Variants in PACS2 observed in about 807,000 individuals in gnomAD.
PACS2 encodes phosphofurin acidic cluster sorting protein 2.
A neutral mutation model predicts 113.0 loss-of-function variants in PACS2; 36 were observed. The observed-to-expected ratio is 0.32, with a 90% CI of 0.24 to 0.42. The LOEUF (loss-of-function observed/expected upper bound fraction) is 0.42. Ranked by LOEUF, PACS2 falls within the 10% of genes least tolerant of loss-of-function variation. The pLI is 1.00. For synonymous variants in PACS2, 589 were observed against 536.1 expected (o/e 1.10, Z -1.36); for missense variants, 1,015 against 1,239.5 (o/e 0.82, Z 2.72).
Position 105,395,803 on chromosome 14 carries a change from G to C in PACS2, c.*1131G>C, listed in dbSNP as rs997795499. The C allele has an allele frequency of 6.6e-6, 1 of 152,340 alleles. No homozygotes were observed. The highest frequency in any genetic ancestry group is 1.5e-5 in the Non-Finnish European group (1 of 68,178). 9.4% of individuals were successfully genotyped at this position (152,340 alleles called of 1,614,324 possible). ...GTGTGGGTTCCATGCCCTCCACACA[G>C]CAGGAGAGGGCTTCCCTGACCACAC... is the stretch of plus-strand genomic sequence containing the variant. On this transcript the variant is annotated 3_prime_UTR_variant, in exon 25 of 25. Transcript: ENST00000447393.
chr14:105,386,773 T>C (rs2141273108), intron 19 of PACS2, among the ~76,000 whole-genome samples: 1 of 152,238 alleles, frequency 6.6e-6, no homozygotes, highest in South Asian at 2.1e-4. Context: ...GGCTGGGCGC[T>C]GGGAAGACAC....
intron 6 of PACS2, 51 bp downstream of exon 6, chr14:105,368,198 C>T: frequency 3.0e-6 from 4 of 1,340,932 alleles, no homozygotes; most frequent in African/African-American, 1.4e-5. Flanking sequence ...ACCGGGTGTC[C>T]TGGGGTCTGT....
chr14:105,363,233 C>T (rs1555407064), intron 4 of PACS2, among the ~76,000 whole-genome samples: 1 of 152,200 alleles, frequency 6.6e-6, no homozygotes, highest in Non-Finnish European at 1.5e-5. Flanking sequence ...ACAAGAGAGG[C>T]AGCCTGTCCT....
rs587712144 is a variant in PACS2, at chr14:105,316,498, C to T, written c.119+1461C>T. On this transcript the variant is annotated intron_variant, in intron 1 of 24. Coordinates refer to ENST00000447393, the MANE Select transcript of PACS2 (RefSeq NM_001100913.3). ...CTTCATGCGGGCTGTTGGCGCTCCC[C>T]TGCTCCAGCACTGCAGCACATAGCC... is the stretch of plus-strand genomic sequence containing the variant. Among the ~76,000 whole-genome samples, 45 of 152,374 alleles carry T rather than the reference C, an allele frequency of 3.0e-4. 1 individual carries two copies. The South Asian group carries it at 8.9e-3, about 30-fold the overall frequency.
intron 1 of PACS2, among the ~76,000 whole-genome samples, chr14:105,316,564 C>T (rs2058645016): frequency 6.6e-6 from 1 of 152,208 alleles, no homozygotes; most frequent in African/African-American, 2.4e-5. Flanking sequence ...TGGGGCCCTC[C>T]GAATGAGCAG....
Position 105,368,387 on chromosome 14 carries a change from G to A in PACS2, c.661-72G>A, listed in dbSNP as rs911307386. The A allele has an allele frequency of 2.7e-5, 33 of 1,221,880 alleles. No homozygotes were observed. The African/African-American group carries it at 3.6e-4, about 13-fold the overall frequency. 75.7% of individuals were successfully genotyped at this position (1,221,880 alleles called of 1,614,324 possible). On this transcript the variant is annotated intron_variant, in intron 6 of 24. Coordinates refer to ENST00000447393, the MANE Select transcript of PACS2 (RefSeq NM_001100913.3). ...GTGCCGGGCCTCTCCCATCGCCCAC[G>A]CTGAGGCTGGCAGGGTCCTGCCAGC... is the stretch of plus-strand genomic sequence containing the variant.
intron 19 of PACS2, among the ~76,000 whole-genome samples, chr14:105,387,749 G>A (rs1555413937): frequency 6.6e-6 from 1 of 152,240 alleles, no homozygotes; most frequent in African/African-American, 2.4e-5. Context: ...TCGGAGCAGA[G>A]CATGGATGGG....
chr14:105,310,112 G>A (rs587767748), upstream of PACS2, among the ~76,000 whole-genome samples: 4 of 151,978 alleles, frequency 2.6e-5, no homozygotes, highest in South Asian at 2.1e-4. Flanking sequence ...TTTACAATTC[G>A]TGATAGTAGT....
In PACS2 at chr14:105,355,375, C is replaced by T. The variant is rs1000503163; in HGVS notation, c.423+198C>T. 6.6e-6 allele frequency among the ~76,000 whole-genome samples: 1 copy of T among 152,268 alleles called. No individual in the cohort carries two copies. The highest frequency in any genetic ancestry group is 2.4e-5 in the African/African-American group (1 of 41,472). On this transcript the variant is annotated intron_variant, in intron 4 of 24. Coordinates refer to ENST00000447393, the MANE Select transcript of PACS2 (RefSeq NM_001100913.3). This position sits in a 1 kb window ranked among gnomAD's most constrained non-coding sequence, Gnocchi z 4.1. ...GGTGGTGCTTCCTCTCTGACCTTCC[C>T]TTGCCGCCTAGCATGGCTCCCCGCA...
chr14:105,314,487 T>C (rs1358483600), upstream of PACS2: 1 of 143,098 alleles, frequency 7.0e-6, no homozygotes, highest in Non-Finnish European at 1.5e-5. Flanking sequence ...CCGGGCGGGG[T>C]CTGTGCGCAG....
Position 105,368,042 on chromosome 14 carries a change from G to A in PACS2, c.587-32G>A, listed in dbSNP as rs587674365. 4.7e-5 allele frequency: 70 copies of A among 1,479,186 alleles called. 1 individual carries two copies. The highest frequency in any genetic ancestry group is 2.7e-4 in the South Asian group (24 of 88,374). The allele number at this position is 1,479,186 out of a possible 1,614,324, so 91.6% of individuals were successfully genotyped here. ...CCTGGTTTCCCGGGTGGAATCTCAC[G>A]GCACCCTCCCTTCTGTCTGTTCATT... On this transcript the variant is annotated intron_variant, in intron 5 of 24. Coordinates refer to ENST00000447393, the MANE Select transcript of PACS2 (RefSeq NM_001100913.3).
rs1303374086 is a variant in PACS2, at chr14:105,356,794, G to T, written c.423+1617G>T. Among the ~76,000 whole-genome samples the T allele has an allele frequency of 6.6e-6, 1 of 151,088 alleles. No individual in the cohort carries two copies. The highest frequency in any genetic ancestry group is 1.5e-5 in the Non-Finnish European group (1 of 67,814). Reference sequence around the variant, plus strand: ...AGGCGAGGTCCTGCTGATCCCTGCCGGTCCCTGTGTTTCCCATTAGCCATG... The same window carrying T: ...AGGCGAGGTCCTGCTGATCCCTGCCTGTCCCTGTGTTTCCCATTAGCCATG... On this transcript the variant is annotated intron_variant, in intron 4 of 24. Transcript: ENST00000447393. The surrounding 1 kb of genome is among the most constrained non-coding windows in gnomAD (Gnocchi z 4.0).
Position 105,315,090 on chromosome 14 carries a change from C to A in PACS2, c.119+53C>A. 4 of 1,048,746 alleles carry A rather than the reference C, an allele frequency of 3.8e-6. No homozygotes were observed. The highest frequency in any genetic ancestry group is 3.5e-6 in the Non-Finnish European group (3 of 864,194). 65.0% of individuals were successfully genotyped at this position (1,048,746 alleles called of 1,614,324 possible). A position where few individuals can be genotyped will look rare whatever the true frequency, so the allele number is the denominator to read the frequency against. ...CCGCCGGGCACCTGCTGGGGGTGTC[C>A]TGGCCGCGGCCTCTGCGCGCCCCAT... On this transcript the variant is annotated intron_variant, in intron 1 of 24. Coordinates refer to ENST00000447393, the MANE Select transcript of PACS2 (RefSeq NM_001100913.3). This position sits in a 1 kb window ranked among gnomAD's most constrained non-coding sequence, Gnocchi z 4.4.
rs1355684809 is a variant in PACS2 at position 105,315,065 on chromosome 14, C to T, written c.119+28C>T. On this transcript the variant is annotated intron_variant, in intron 1 of 24. Transcript: ENST00000447393. The surrounding 1 kb of genome is among the most constrained non-coding windows in gnomAD (Gnocchi z 4.4). Reference sequence around the variant, plus strand: ...ACGCGCCGCCCGCCGCGCTTTGTTCCCGCCGGGCACCTGCTGGGGGTGTCC... The same window carrying T: ...ACGCGCCGCCCGCCGCGCTTTGTTCTCGCCGGGCACCTGCTGGGGGTGTCC... The T allele has an allele frequency of 6.2e-6, 7 of 1,134,542 alleles. No homozygotes were observed. The highest frequency in any genetic ancestry group is 5.5e-5 in the East Asian group (1 of 18,144). The allele number at this position is 1,134,542 out of a possible 1,614,324, so 70.3% of individuals were successfully genotyped here.
intron 17 of PACS2, 130 bp from the exon 18 acceptor site, chr14:105,384,748 TG>T: frequency 3.0e-6 from 2 of 674,838 alleles, no homozygotes; most frequent in South Asian, 3.4e-5. Context: ...GCCCCTCAGC[TG>T]CAACCAGCGA....
chr14:105,327,489 G>T (rs2059160704), intron 1 of PACS2, among the ~76,000 whole-genome samples: 1 of 152,178 alleles, frequency 6.6e-6, no homozygotes. Flanking sequence ...CTCCTGCCGT[G>T]GTCCTGTCAA....
chr14:105,363,898 T>C (rs1462233787), intron 4 of PACS2, among the ~76,000 whole-genome samples: 1 of 151,988 alleles, frequency 6.6e-6, no homozygotes, highest in African/African-American at 2.4e-5. Context: ...CTAATTTCCA[T>C]ATTATTGTGT....
chr14:105,312,304 C>G (rs1301321938), upstream of PACS2, among the ~76,000 whole-genome samples: 1 of 152,232 alleles, frequency 6.6e-6, no homozygotes, highest in Non-Finnish European at 1.5e-5. Flanking sequence ...CCTAGCCAAG[C>G]ATTCAGAACC....
At chr14:105,364,353 TGTCCCGGGTGCACGGTGGGC>T (rs1566943169) in intron 4 of PACS2, among the ~76,000 whole-genome samples, 18 of 90,326 alleles carry the variant, frequency 2.0e-4, no homozygotes, top group African/African-American at 2.7e-4. Context: ...TGGTGGGCGG[TGTCCCGGGTGCACGGTGGGC>T]GTCCCGGGTG....
Sources: allele counts gnomAD v4.1 joint callset (sites outside exome capture counted in the v4.1 genomes callset), GRCh38; gene constraint gnomAD v4.1.1; non-coding constraint Gnocchi (gnomAD v3.1); transcripts MANE v1.5; gene names NCBI Gene and HGNC (gene_info 2026-07-23, HGNC 2026-07-21).